HSPD1: variants seen among roughly 807,000 people sequenced by gnomAD.
HSPD1 encodes heat shock protein family D (Hsp60) member 1.
In HSPD1, 3 loss-of-function variants were observed where a neutral mutation model predicts 53.0. The ratio of observed to expected loss-of-function variants is 0.06; its 90% CI spans 0.03 to 0.15. HSPD1 has a LOEUF of 0.15. Ranked by LOEUF, HSPD1 falls within the 10% of genes least tolerant of loss-of-function variation. The probability of loss-of-function intolerance (pLI) is 1.00; values close to 1 mark genes in which losing one functional copy is unlikely to be tolerated. For synonymous variants in HSPD1, 200 were observed against 228.0 expected (o/e 0.88, Z 1.10); for missense variants, 431 against 694.1 (o/e 0.62, Z 4.26).
At chr2:197,498,878 G>T (rs115857541) in intron 1 of HSPD1, 28 bp from the exon 2 acceptor site, 1 of 1,606,674 alleles carries the variant, frequency 6.2e-7, no homozygotes, top group Non-Finnish European at 8.5e-7. Flanking sequence ...AAGATCATCA[G>T]AACTACCACC....
At position 197,488,959 on chromosome 2, in the gene HSPD1, G is replaced by A. The variant is rs764768317; in HGVS notation, c.1215+43C>T. On this transcript the variant is annotated intron_variant, in intron 9 of 11. Coordinates refer to ENST00000388968, the MANE Select transcript of HSPD1 (RefSeq NM_002156.5). Reference sequence around the variant, plus strand: ...ATACTACAGAAGCAAAATCATTCTTGGACTCAGAACCCAAGAAACTTATTC... The same window carrying A: ...ATACTACAGAAGCAAAATCATTCTTAGACTCAGAACCCAAGAAACTTATTC... 3 of 1,607,250 alleles carry A rather than the reference G, an allele frequency of 1.9e-6. No homozygotes were observed. In the South Asian group the frequency reaches 3.3e-5, roughly 18 times the overall value.
chr2:197,497,161 T>A lies in HSPD1; in HGVS notation c.406A>T (p.Asn136Tyr). The change falls in exon 3 of 12, where the codon AAT becomes TAT. Residue 136 changes from asparagine to tyrosine, a missense_variant. Around this residue, in one of 2 missense-constraint regions of HSPD1, gnomAD observed 386 missense variants for 657.6 expected, o/e 0.59. Coordinates refer to ENST00000388968, the MANE Select transcript of HSPD1 (RefSeq NM_002156.5). ...EGFEKISKGA[N>Y]PVEIRRGVML... Reference sequence around the variant, plus strand: ...CTACCTCTCCTGATTTCCACTGGATTAGCACCTTTGCTAATCTTCTCGAAG... The same window carrying A: ...CTACCTCTCCTGATTTCCACTGGATAAGCACCTTTGCTAATCTTCTCGAAG... 2 of 1,614,210 alleles carry A rather than the reference T, an allele frequency of 1.2e-6. No individual in the cohort carries two copies. Among genetic ancestry groups the A allele is most frequent in the South Asian group, 2.2e-5 (2 of 91,084 alleles).
intron 4 of HSPD1, 61 bp downstream of exon 4, chr2:197,495,233 A>G: frequency 1.1e-6 from 1 of 950,596 alleles, no homozygotes; most frequent in Non-Finnish European, 1.7e-6. Context: ...TCAAGGGAAA[A>G]AAAAAATCAC....
At chr2:197,500,146 G>A (rs1408108459), upstream of HSPD1, 1 of 534,186 alleles carries the variant, frequency 1.9e-6, no homozygotes, top group Non-Finnish European at 3.4e-6. Context: ...GGGACGAAGG[G>A]GTAGTTCTTT....
chr2:197,500,100 T>C (rs2086228122), upstream of HSPD1: 1 of 392,264 alleles, frequency 2.5e-6, no homozygotes, highest in South Asian at 3.2e-5. Context: ...CCGCGCTCCC[T>C]ACGGCTCAAG....
At chr2:197,499,995 C>G (rs1320888171), upstream of HSPD1, 2 of 161,606 alleles carry the variant, frequency 1.2e-5, no homozygotes, top group South Asian at 1.6e-4. Flanking sequence ...CCGCCCCTCC[C>G]TACCCGCGCA....
At chr2:197,488,852 A>C in intron 9 of HSPD1, 150 bp downstream of exon 9, 1 of 925,148 alleles carries the variant, frequency 1.1e-6, no homozygotes, top group Non-Finnish European at 1.8e-6. Context: ...TGGGTGACGA[A>C]GAGCTCAAAA....
chr2:197,491,571 C>T (rs1038396629), intron 7 of HSPD1, among the ~76,000 whole-genome samples: 1 of 152,126 alleles, frequency 6.6e-6, no homozygotes, highest in Non-Finnish European at 1.5e-5. Flanking sequence ...ATGTCTAAAA[C>T]GTACCTGTTA....
intron 3 of HSPD1, among the ~76,000 whole-genome samples, chr2:197,495,677 T>G (rs2086148655): frequency 6.6e-6 from 1 of 152,076 alleles, no homozygotes; most frequent in African/African-American, 2.4e-5. Context: ...CAAGGTGGTC[T>G]TGAACTCCTG....
chr2:197,488,130 A>T (rs1483127991), intron 10 of HSPD1, 94 bp from the exon 11 acceptor site: 8 of 1,044,620 alleles, frequency 7.7e-6, no homozygotes, highest in Non-Finnish European at 1.0e-5. Flanking sequence ...GGGAAATCCC[A>T]ATCCTACTAC....
intron 11 of HSPD1, 76 bp from the exon 12 acceptor site, chr2:197,487,274 A>G (rs2106069915): frequency 3.7e-6 from 5 of 1,335,648 alleles, no homozygotes; most frequent in Non-Finnish European, 5.3e-6. Context: ...CTGTCTGGGC[A>G]TGGTGGCTCA....
upstream of HSPD1, chr2:197,500,194 T>A (rs938063822): frequency 3.4e-6 from 2 of 592,024 alleles, no homozygotes; most frequent in Non-Finnish European, 6.1e-6. Context: ...TAGAAACAGC[T>A]CCTTTTTTCT....
At position 197,498,860 on chromosome 2, in the gene HSPD1, G is replaced by A. The variant is rs549768111; in HGVS notation, c.-2-10C>T. ...GGTAACCGAAGCATTTCTGGGGATGGAAGCAAAAAGATCATCAGAACTACC... is the reference window on the plus strand; with the variant it reads ...GGTAACCGAAGCATTTCTGGGGATGAAAGCAAAAAGATCATCAGAACTACC... On this transcript the variant is annotated splice_polypyrimidine_tract_variant and intron_variant, in intron 1 of 11. Coordinates refer to ENST00000388968, the MANE Select transcript of HSPD1 (RefSeq NM_002156.5). 1.4e-5 allele frequency: 23 copies of A among 1,613,686 alleles called. No individual in the cohort carries two copies. In the East Asian group the frequency reaches 4.7e-4, roughly 33 times the overall value.
In HSPD1 at chr2:197,486,754, G is replaced by T. The variant is rs3860438; in HGVS notation, c.*292C>A. 7.5e-6 allele frequency: 3 copies of T among 401,512 alleles called. No individual in the cohort carries two copies. The highest frequency in any genetic ancestry group is 9.4e-6 in the Non-Finnish European group (2 of 213,578). The allele number at this position is 401,512 out of a possible 1,614,324, so 24.9% of individuals were successfully genotyped here. On this transcript the variant is annotated 3_prime_UTR_variant, in exon 12 of 12. Transcript: ENST00000388968. ...AGAATAGTAGTAAAAATGCCTCAGTGATTTAAGTTGAAAGCAGTACACTGG... is the reference window on the plus strand; with the variant it reads ...AGAATAGTAGTAAAAATGCCTCAGTTATTTAAGTTGAAAGCAGTACACTGG...
At chr2:197,496,466 C>T (rs2086158251) in intron 3 of HSPD1, among the ~76,000 whole-genome samples, 1 of 152,166 alleles carries the variant, frequency 6.6e-6, no homozygotes, top group African/African-American at 2.4e-5. Context: ...CCCACCTTCA[C>T]TTACAAGAGG....
chr2:197,497,191 C>T lies in HSPD1; in HGVS notation c.376G>A (p.Glu126Lys). The T allele has an allele frequency of 6.2e-7, 1 of 1,614,094 alleles. No individual in the cohort carries two copies. Among genetic ancestry groups the T allele is most frequent in the Non-Finnish European group, 8.5e-7 (1 of 1,179,928 alleles). The stretch of plus-strand genomic sequence containing the variant: ...CCTTTGCTAATCTTCTCGAAGCCTT[C>T]CTTGGCTATAGAGCGTGCCAGTACA... The part of the protein sequence containing the change: ...ATVLARSIAK[E>K]GFEKISKGAN... The change falls in exon 3 of 12, where the codon GAA becomes AAA. Residue 126 changes from glutamate (E) to lysine (K), a missense_variant. This residue lies in a region of HSPD1 where 386 missense variants were observed against 657.6 expected (regional missense o/e 0.59). Transcript: ENST00000388968.
chr2:197,488,963 T>A (rs752285480), intron 9 of HSPD1, 39 bp downstream of exon 9: 3 of 1,611,680 alleles, frequency 1.9e-6, no homozygotes, highest in Middle Eastern at 3.3e-4. Context: ...ATTCTTGGAC[T>A]CAGAACCCAA....
At chr2:197,496,696 G>A (rs992132457) in intron 3 of HSPD1, among the ~76,000 whole-genome samples, 6 of 152,140 alleles carry the variant, frequency 3.9e-5, no homozygotes, top group African/African-American at 1.2e-4. Context: ...GTGCTATTAA[G>A]AAAAAATAAA....
intron 3 of HSPD1, 137 bp from the exon 4 acceptor site, chr2:197,495,513 T>A: frequency 1.5e-6 from 1 of 648,400 alleles, no homozygotes; most frequent in South Asian, 1.8e-5. Context: ...TGAGACAGGG[T>A]CTTGTTCTGC....
Sources: allele counts gnomAD v4.1 joint callset (sites outside exome capture counted in the v4.1 genomes callset), GRCh38; gene constraint gnomAD v4.1.1; regional missense constraint gnomAD v4.1.1; transcripts MANE v1.5; gene names NCBI Gene and HGNC (gene_info 2026-07-23, HGNC 2026-07-21).